RBFOX1: variants seen among roughly 807,000 people sequenced by gnomAD.
The protein encoded by RBFOX1 is RNA binding protein fox-1 homolog 1.
Under a neutral mutation model 57.7 loss-of-function variants are expected in RBFOX1, and 8 were observed. The ratio of observed to expected loss-of-function variants is 0.14; its 90% CI spans 0.08 to 0.25. The LOEUF (loss-of-function observed/expected upper bound fraction) is 0.25. Among genes scored for constraint, RBFOX1 ranks in the 10% least tolerant of loss-of-function variants. The pLI is 1.00. For missense variants in RBFOX1, 611 were observed against 548.5 expected (o/e 1.11, Z -1.14); for synonymous variants, 326 against 222.4 (o/e 1.47, Z -4.15).
intron 2 of RBFOX1, among the ~76,000 whole-genome samples, chr16:6,575,211 C>A (rs1361806891): frequency 2.0e-5 from 3 of 152,100 alleles, no homozygotes; most frequent in Non-Finnish European, 4.4e-5. Context: ...GATTTTTCTT[C>A]TGTGTCATAT....
intron 13 of RBFOX1, among the ~76,000 whole-genome samples, chr16:7,668,596 G>A (rs1200502076): frequency 2.0e-5 from 3 of 152,036 alleles, no homozygotes; most frequent in Non-Finnish European, 2.9e-5. Flanking sequence ...TGATGCGGGG[G>A]TTGTCTGAGA....
intron 4 of RBFOX1, among the ~76,000 whole-genome samples, chr16:7,271,606 T>C (rs2095319936): frequency 6.6e-6 from 1 of 152,172 alleles, no homozygotes; most frequent in South Asian, 2.1e-4. Flanking sequence ...AGCAACTTAA[T>C]ACTAAACTTA....
At chr16:7,056,083 C>T (rs1312964779) in intron 4 of RBFOX1, among the ~76,000 whole-genome samples, 11 of 152,092 alleles carry the variant, frequency 7.2e-5, no homozygotes, top group Non-Finnish European at 5.9e-5. Flanking sequence ...TTGGTCATAT[C>T]CCCTCAGCAT....
intron 4 of RBFOX1, among the ~76,000 whole-genome samples, chr16:7,362,592 TG>T (rs1174262246): frequency 1.3e-5 from 2 of 152,122 alleles, no homozygotes. Flanking sequence ...TATTAGTGTG[TG>T]GATGTTCTTG....
At chr16:7,284,976 G>C (rs965177459) in intron 4 of RBFOX1, among the ~76,000 whole-genome samples, 1 of 148,030 alleles carries the variant, frequency 6.8e-6, no homozygotes, top group Non-Finnish European at 1.5e-5. Flanking sequence ...CCTCGCCAAC[G>C]CCTCATCCCT....
At chr16:5,591,660 A>G (rs73523665) in intron 2 of RBFOX1, among the ~76,000 whole-genome samples, 4,357 of 152,320 alleles carry the variant, frequency 0.029, 195 homozygotes, top group African/African-American at 0.098. Context: ...GTGGAGTACT[A>G]TACATACCAC....
chr16:6,465,408 C>T (rs960075352), intron 2 of RBFOX1, among the ~76,000 whole-genome samples: 1 of 152,110 alleles, frequency 6.6e-6, no homozygotes, highest in African/African-American at 2.4e-5. Context: ...TTTGATACTA[C>T]CCTTTAGTGG....
chr16:5,292,782 C>G (rs1245070969), intron 1 of RBFOX1, among the ~76,000 whole-genome samples: 2 of 152,012 alleles, frequency 1.3e-5, no homozygotes, highest in East Asian at 3.9e-4. Context: ...TGTCACCACG[C>G]CCGGCTAATT....
chr16:5,475,534 A>T (rs2069291440), intron 2 of RBFOX1, among the ~76,000 whole-genome samples: 1 of 152,266 alleles, frequency 6.6e-6, no homozygotes, highest in African/African-American at 2.4e-5. Context: ...CTTCAGAGCC[A>T]GCTAAATGTC....
At chr16:6,597,112 G>C (rs530182277) in intron 2 of RBFOX1, among the ~76,000 whole-genome samples, 2 of 152,074 alleles carry the variant, frequency 1.3e-5, no homozygotes, top group African/African-American at 4.8e-5. Flanking sequence ...TCTTTTTCTG[G>C]AGAAATTACA....
At chr16:6,884,373 C>T (rs550556412) in intron 3 of RBFOX1, among the ~76,000 whole-genome samples, 1 of 152,164 alleles carries the variant, frequency 6.6e-6, no homozygotes, top group Non-Finnish European at 1.5e-5. Flanking sequence ...AACAGTTGCT[C>T]TGCCCTCAGT....
At chr16:6,876,659 T>C (rs532926484) in intron 3 of RBFOX1, among the ~76,000 whole-genome samples, 1 of 152,308 alleles carries the variant, frequency 6.6e-6, no homozygotes, top group East Asian at 1.9e-4. Context: ...ATTTCTCACC[T>C]AGGGTTCTAT....
chr16:5,411,757 A>G (rs926859106), intron 1 of RBFOX1, among the ~76,000 whole-genome samples: 1 of 151,956 alleles, frequency 6.6e-6, no homozygotes, highest in Non-Finnish European at 1.5e-5. Flanking sequence ...TTAGTCAGGC[A>G]TGGTGGTCTC....
At chr16:6,997,597 T>A (rs184783291) in intron 3 of RBFOX1, among the ~76,000 whole-genome samples, 18 of 152,326 alleles carry the variant, frequency 1.2e-4, no homozygotes, top group Admixed American at 9.2e-4. Flanking sequence ...AAAGATAGAC[T>A]GCGTTTTGCA....
intron 1 of RBFOX1, among the ~76,000 whole-genome samples, chr16:6,286,314 G>A (rs2076903643): frequency 6.6e-6 from 1 of 152,182 alleles, no homozygotes; most frequent in African/African-American, 2.4e-5. Flanking sequence ...GAGAAATGCA[G>A]TGTCGATAAC....
intron 4 of RBFOX1, among the ~76,000 whole-genome samples, chr16:7,080,173 T>C (rs1231403021): frequency 1.3e-5 from 2 of 151,526 alleles, no homozygotes; most frequent in Admixed American, 6.6e-5. Flanking sequence ...AAAGTAAAAG[T>C]AAATAAAATG....
intron 13 of RBFOX1, among the ~76,000 whole-genome samples, chr16:7,675,402 G>C (rs958039668): frequency 6.2e-5 from 9 of 145,316 alleles, no homozygotes; most frequent in Non-Finnish European, 1.3e-4. Flanking sequence ...ACCTCTTTAA[G>C]GGAAACAAAA....
intron 4 of RBFOX1, among the ~76,000 whole-genome samples, chr16:7,094,775 T>G (rs113240083): frequency 1.3e-4 from 18 of 139,794 alleles, no homozygotes; most frequent in Non-Finnish European, 2.9e-4. Context: ...TGTGTGTGTG[T>G]GGGTGTGTGT....
chr16:6,736,472 G>C (rs1038993431), intron 3 of RBFOX1, among the ~76,000 whole-genome samples: 3 of 152,148 alleles, frequency 2.0e-5, no homozygotes, highest in African/African-American at 7.2e-5. Context: ...CCATGTCATT[G>C]CAAATGCTGT....
Sources: allele counts gnomAD v4.1 joint callset (sites outside exome capture counted in the v4.1 genomes callset), GRCh38; gene constraint gnomAD v4.1.1; transcripts MANE v1.5; gene names NCBI Gene and HGNC (gene_info 2026-07-23, HGNC 2026-07-21).